ELFN1: variants seen among roughly 807,000 people sequenced by gnomAD.
ELFN1 encodes the protein extracellular leucine rich repeat and fibronectin type III domain containing 1, also known as protein ELFN1.
A neutral mutation model predicts 7.6 loss-of-function variants in ELFN1; 6 were observed. The ratio of observed to expected loss-of-function variants is 0.79; its 90% CI spans 0.43 to 1.56. The LOEUF (loss-of-function observed/expected upper bound fraction) is 1.56. Ranked by LOEUF, ELFN1 falls within the 40% of genes most tolerant of loss-of-function variation. ELFN1 has a pLI of 0.01. For synonymous variants in ELFN1, 657 were observed against 588.1 expected (o/e 1.12, Z -1.70); for missense variants, 1,169 against 1,232.2 (o/e 0.95, Z 0.77).
chr7:1,666,381 C>A (rs1403587582), upstream of ELFN1, among the ~76,000 whole-genome samples: 1 of 152,004 alleles, frequency 6.6e-6, no homozygotes, highest in Non-Finnish European at 1.5e-5. This position sits in a 1 kb window ranked among gnomAD's most constrained non-coding sequence, Gnocchi z 7.9. Context: ...CGCGCCAGGG[C>A]CGAGTCTCCC....
chr7:1,707,620 C>T (rs1345579614), intron 2 of ELFN1, among the ~76,000 whole-genome samples: 1 of 152,208 alleles, frequency 6.6e-6, no homozygotes, highest in African/African-American at 2.4e-5. Context: ...CTGGAAGCCT[C>T]CTCTTATTTT....
At chr7:1,691,048 G>C (rs1025965741) in intron 2 of ELFN1, among the ~76,000 whole-genome samples, 6 of 151,616 alleles carry the variant, frequency 4.0e-5, no homozygotes, top group African/African-American at 1.5e-4. Flanking sequence ...AGTCCCCCAG[G>C]TAAAGAGGCT....
intron 3 of ELFN1, among the ~76,000 whole-genome samples, chr7:1,731,683 G>C (rs1019589926): frequency 6.6e-6 from 1 of 152,160 alleles, no homozygotes; most frequent in Non-Finnish European, 1.5e-5. Flanking sequence ...ACGGAGTCTC[G>C]CTCTGTCGCC....
At position 1,685,450 on chromosome 7, in the gene ELFN1, A is replaced by G. The variant is rs1228545903; in HGVS notation, c.-548-2608A>G. On this transcript the variant is annotated intron_variant, in intron 1 of 3. Coordinates refer to ENST00000424383, the MANE Select transcript of ELFN1 (RefSeq NM_001128636.4). ...TGAGACTCCCATCACCACATATGCT[A>G]GTGCACTTGATGTCTCATGTATGTC... is the stretch of plus-strand genomic sequence containing the variant. Among the ~76,000 whole-genome samples the G allele has an allele frequency of 2.0e-5, 3 of 152,144 alleles. 1 individual carries two copies. Among genetic ancestry groups the G allele is most frequent in the South Asian group, 4.1e-4 (2 of 4,828 alleles).
intron 2 of ELFN1, among the ~76,000 whole-genome samples, chr7:1,701,237 G>A (rs1235854264): frequency 6.6e-6 from 1 of 152,090 alleles, no homozygotes; most frequent in East Asian, 1.9e-4. Flanking sequence ...CCAGGCTGGA[G>A]TGCAGTGGTG....
At position 1,713,754 on chromosome 7, in the gene ELFN1, G is replaced by C. The variant is rs12671076; in HGVS notation, c.-294+4502G>C. On this transcript the variant is annotated intron_variant, in intron 3 of 3. Transcript: ENST00000424383. ...GTCTCGGTTTCCCTCTCTGGGGAGG[G>C]GGGGGCGATGTCCTTGCCAGCAGAG... is the stretch of plus-strand genomic sequence containing the variant. Among the ~76,000 whole-genome samples the C allele has an allele frequency of 5.9e-5, 9 of 152,238 alleles. No individual in the cohort carries two copies. The East Asian group carries it at 1.2e-3, about 20-fold the overall frequency.
At chr7:1,669,859 C>G (rs1251192737), upstream of ELFN1, among the ~76,000 whole-genome samples, 1 of 112,582 alleles carries the variant, frequency 8.9e-6, no homozygotes, top group Non-Finnish European at 1.7e-5. Context: ...CTGTCGCCCC[C>G]ACTCCCCCCA....
At chr7:1,681,270 C>T (rs952568709) in intron 1 of ELFN1, among the ~76,000 whole-genome samples, 6 of 152,226 alleles carry the variant, frequency 3.9e-5, no homozygotes, top group Admixed American at 6.5e-5. Flanking sequence ...GTGTGTCCAG[C>T]GTGGGGCCAT....
rs1184830289 is a variant in ELFN1 at position 1,705,587 on chromosome 7, G to A, written c.-455-3504G>A. Reference sequence around the variant, plus strand: ...ATGGCAGGCCTCACAGCCTCACCATGCACCTGTGTGATCAGCCACTCGGAG... The same window carrying A: ...ATGGCAGGCCTCACAGCCTCACCATACACCTGTGTGATCAGCCACTCGGAG... On this transcript the variant is annotated intron_variant, in intron 2 of 3. Coordinates refer to ENST00000424383, the MANE Select transcript of ELFN1 (RefSeq NM_001128636.4). The surrounding 1 kb of genome is among the most constrained non-coding windows in gnomAD (Gnocchi z 4.3). 1.3e-5 allele frequency among the ~76,000 whole-genome samples: 2 copies of A among 152,234 alleles called. No homozygotes were observed. The highest frequency in any genetic ancestry group is 4.8e-5 in the African/African-American group (2 of 41,472).
At chr7:1,674,039 A>G (rs1778819156) in intron 1 of ELFN1, among the ~76,000 whole-genome samples, 3 of 151,910 alleles carry the variant, frequency 2.0e-5, no homozygotes, top group Non-Finnish European at 4.4e-5. Flanking sequence ...GCTGGTGGGG[A>G]AACTGAGTCA....
intron 1 of ELFN1, among the ~76,000 whole-genome samples, chr7:1,676,096 T>C (rs1276061127): frequency 2.6e-5 from 4 of 152,156 alleles, no homozygotes; most frequent in Non-Finnish European, 1.5e-5. Context: ...GGCAGCTGGT[T>C]CCTAGACCAG....
chr7:1,674,194 C>T (rs879302528), intron 1 of ELFN1, among the ~76,000 whole-genome samples: 1 of 145,784 alleles, frequency 6.9e-6, no homozygotes, highest in Non-Finnish European at 1.5e-5. Context: ...GGTGGGGAAA[C>T]TGAGGCAGAG....
chr7:1,732,650 C>T (rs543339803), intron 3 of ELFN1, among the ~76,000 whole-genome samples: 6 of 152,170 alleles, frequency 3.9e-5, no homozygotes, highest in Non-Finnish European at 8.8e-5. Flanking sequence ...TAGACAGAGG[C>T]GGGTGTCCTG....
chr7:1,696,836 C>G (rs981225480), intron 2 of ELFN1, among the ~76,000 whole-genome samples: 1 of 152,214 alleles, frequency 6.6e-6, no homozygotes, highest in Non-Finnish European at 1.5e-5. Context: ...CCCAGGGATG[C>G]TGGGCACACT....
chr7:1,693,932 C>T (rs1468448104), intron 2 of ELFN1: 4 of 393,812 alleles, frequency 1.0e-5, no homozygotes, highest in Non-Finnish European at 2.1e-5. Flanking sequence ...GTGGGCAGCA[C>T]TCGGGAAGCC....
At chr7:1,706,874 G>A (rs1779541070) in intron 2 of ELFN1, among the ~76,000 whole-genome samples, 2 of 152,244 alleles carry the variant, frequency 1.3e-5, no homozygotes, top group African/African-American at 4.8e-5. Flanking sequence ...TGCCCGAGGT[G>A]GTGCATTGGA....
rs1780753848 is a variant in ELFN1 at position 1,745,515 on chromosome 7, CCCACGCTGG to C, written c.926_934del (p.Leu309_Thr311del). 1 of 1,545,824 alleles carries C rather than the reference CCCACGCTGG, an allele frequency of 6.5e-7. No homozygotes were observed. Among genetic ancestry groups the C allele is most frequent in the Non-Finnish European group, 8.7e-7 (1 of 1,146,838 alleles). On this transcript the variant is annotated inframe_deletion, in exon 4 of 4. Coordinates refer to ENST00000424383, the MANE Select transcript of ELFN1 (RefSeq NM_001128636.4). ...CGGCACCACGCCACTGGTGGCCCTG[CCCACGCTGG>C]CCACGCAGGCCGAGGCCCGCCCCCT... is the stretch of plus-strand genomic sequence containing the variant.
intron 3 of ELFN1, among the ~76,000 whole-genome samples, chr7:1,726,579 G>T (rs929215492): frequency 2.6e-5 from 4 of 152,210 alleles, no homozygotes; most frequent in African/African-American, 9.6e-5. Context: ...AGGGGACCCA[G>T]GCCTCCAGGG....
chr7:1,745,964 A>G lies in ELFN1; in HGVS notation c.1368A>G (p.Ala456=). The G allele has an allele frequency of 6.5e-7, 1 of 1,546,654 alleles. No homozygotes were observed. The highest frequency in any genetic ancestry group is 8.7e-7 in the Non-Finnish European group (1 of 1,144,716). Residue 456 remains alanine, a synonymous_variant, in exon 4 of 4, where the codon GCA becomes GCG. Transcript: ENST00000424383. ...AGAAGCACAAGAAGGCCGCCTCGGCAGCCGCAGCTGGCAGCCTCAAGAAGA... is the reference window on the plus strand; with the variant it reads ...AGAAGCACAAGAAGGCCGCCTCGGCGGCCGCAGCTGGCAGCCTCAAGAAGA... ...QEEKHKKAAS[A]AAAGSLKKTI...
Sources: allele counts gnomAD v4.1 joint callset (sites outside exome capture counted in the v4.1 genomes callset), GRCh38; gene constraint gnomAD v4.1.1; non-coding constraint Gnocchi (gnomAD v3.1); transcripts MANE v1.5; gene names NCBI Gene and HGNC (gene_info 2026-07-23, HGNC 2026-07-21).